The following KCNIP4 variants were observed in gnomAD, a reference collection of about 807,000 sequenced individuals.
The protein encoded by KCNIP4 is Kv channel-interacting protein 4.
KCNIP4 carries 12 observed loss-of-function variants against 34.0 expected under a neutral mutation model. That is an observed-to-expected ratio of 0.35 (90% confidence interval 0.23 to 0.57). The LOEUF is 0.57. KCNIP4 is among the 20% of genes least tolerant of loss of function. KCNIP4 has a pLI of 0.83. For synonymous variants in KCNIP4, 124 were observed against 102.2 expected (o/e 1.21, Z -1.29); for missense variants, 238 against 311.7 (o/e 0.76, Z 1.78).
chr4:21,618,725 C>T (rs191478894), intron 1 of KCNIP4, among the ~76,000 whole-genome samples: 288 of 149,326 alleles, frequency 1.9e-3, no homozygotes, highest in African/African-American at 6.6e-3. Flanking sequence ...CTCCGCCTCC[C>T]GGGTGCACGC....
intron 1 of KCNIP4, among the ~76,000 whole-genome samples, chr4:21,243,744 C>A (rs1760009972): frequency 6.6e-6 from 1 of 152,144 alleles, no homozygotes. Flanking sequence ...TGATATGAAG[C>A]TGTTCATATC....
At chr4:21,553,170 C>T (rs1437062119) in intron 1 of KCNIP4, among the ~76,000 whole-genome samples, 2 of 151,918 alleles carry the variant, frequency 1.3e-5, no homozygotes, top group East Asian at 3.9e-4. Flanking sequence ...GTTGGAATAA[C>T]AAGTTGTGAG....
intron 1 of KCNIP4, among the ~76,000 whole-genome samples, chr4:20,952,179 A>T (rs956723919): frequency 6.6e-6 from 1 of 152,198 alleles, no homozygotes; most frequent in Non-Finnish European, 1.5e-5. Flanking sequence ...CTTGCAGTAC[A>T]AGAGATTGAT....
At chr4:21,818,459 A>C (rs1340616435) in intron 1 of KCNIP4, among the ~76,000 whole-genome samples, 2 of 152,196 alleles carry the variant, frequency 1.3e-5, no homozygotes, top group East Asian at 3.9e-4. Context: ...CCCTAATTGA[A>C]AACCCCTGAT....
At chr4:21,882,740 G>A (rs192382546) in intron 1 of KCNIP4, among the ~76,000 whole-genome samples, 4 of 152,168 alleles carry the variant, frequency 2.6e-5, no homozygotes, top group African/African-American at 7.2e-5. Context: ...ACTTCAGGAA[G>A]CTTGGGCTTC....
At chr4:20,907,142 A>G (rs916175746) in intron 1 of KCNIP4, among the ~76,000 whole-genome samples, 2 of 152,248 alleles carry the variant, frequency 1.3e-5, no homozygotes, top group African/African-American at 4.8e-5. Flanking sequence ...ACACACAAAT[A>G]TAACAAAATT....
At chr4:21,275,676 A>G (rs1357147336) in intron 1 of KCNIP4, among the ~76,000 whole-genome samples, 1 of 152,076 alleles carries the variant, frequency 6.6e-6, no homozygotes, top group South Asian at 2.1e-4. Flanking sequence ...GCTGGGACAA[A>G]AGTCAAACTC....
intron 1 of KCNIP4, among the ~76,000 whole-genome samples, chr4:21,448,304 G>C (rs1195070417): frequency 6.6e-6 from 1 of 152,120 alleles, no homozygotes; most frequent in Non-Finnish European, 1.5e-5. Flanking sequence ...TAAACTGATT[G>C]TTGGTAGAAA....
At chr4:20,994,917 G>A (rs191777440) in intron 1 of KCNIP4, among the ~76,000 whole-genome samples, 7 of 152,244 alleles carry the variant, frequency 4.6e-5, no homozygotes, top group East Asian at 3.9e-4. Context: ...GAAATGGGGG[G>A]CTTTATCCTT....
chr4:21,498,807 G>C lies in KCNIP4; in HGVS notation c.61+449764C>G, dbSNP rs946119842. The stretch of plus-strand genomic sequence containing the variant: ...TGTGCAGATGAGAAACAATAGAGGT[G>C]GGTGTTGGATCTGCTAAGAAAGTGA... On this transcript the variant is annotated intron_variant, in intron 1 of 8. Coordinates refer to ENST00000382152, the MANE Select transcript of KCNIP4 (RefSeq NM_025221.6). Among the ~76,000 whole-genome samples, 3 of 152,224 alleles carry C rather than the reference G, an allele frequency of 2.0e-5. No homozygotes were observed. In the South Asian group the frequency reaches 6.2e-4, roughly 32 times the overall value.
intron 3 of KCNIP4, among the ~76,000 whole-genome samples, chr4:20,785,861 TG>T (rs1231930465): frequency 6.6e-6 from 1 of 152,070 alleles, no homozygotes. Context: ...GAATGTAACT[TG>T]GTGCAGCCAC....
At position 21,442,638 on chromosome 4, in the gene KCNIP4, C is replaced by A. The variant is rs114336992; in HGVS notation, c.61+505933G>T. On this transcript the variant is annotated intron_variant, in intron 1 of 8. Transcript: ENST00000382152. ...TAGCACACAATTTCCTAATTTTCTA[C>A]CATTTTCACTGATGGCTTTCCATAT... 2.1e-3 allele frequency among the ~76,000 whole-genome samples: 321 copies of A among 152,284 alleles called. 2 individuals are homozygous for A. Among genetic ancestry groups the A allele is most frequent in the Non-Finnish European group, 3.5e-3 (237 of 68,014 alleles).
At chr4:20,821,552 G>T (rs1319012619) in intron 3 of KCNIP4, among the ~76,000 whole-genome samples, 2 of 152,068 alleles carry the variant, frequency 1.3e-5, no homozygotes, top group Non-Finnish European at 2.9e-5. Context: ...CTCTTTTGTG[G>T]TGATTTCTGA....
intron 1 of KCNIP4, among the ~76,000 whole-genome samples, chr4:21,172,339 A>C (rs1248387918): frequency 6.6e-6 from 1 of 152,132 alleles, no homozygotes; most frequent in Non-Finnish European, 1.5e-5. Flanking sequence ...GCCTATTCTG[A>C]ATGTTTTAAC....
rs186834178 is a variant in KCNIP4 at position 20,903,153 on chromosome 4, C to T, written c.62-20444G>A. Among the ~76,000 whole-genome samples the T allele has an allele frequency of 1.3e-3, 202 of 152,230 alleles. 1 individual carries two copies. The highest frequency in any genetic ancestry group is 4.5e-3 in the African/African-American group (189 of 41,550). On this transcript the variant is annotated intron_variant, in intron 1 of 8. Transcript: ENST00000382152. The stretch of plus-strand genomic sequence containing the variant: ...AGCTAACAAATTCTTAAAAGACAGG[C>T]TGAGAGTTAAGGATCTGAAAACACT...
chr4:20,882,440 C>T (rs768417150), intron 2 of KCNIP4, among the ~76,000 whole-genome samples, 168 bp downstream of exon 2: 3 of 152,162 alleles, frequency 2.0e-5, no homozygotes, highest in Non-Finnish European at 4.4e-5. Flanking sequence ...TGGAAAATGA[C>T]TCCTAATTGC....
At chr4:21,481,003 G>C (rs1731381584) in intron 1 of KCNIP4, among the ~76,000 whole-genome samples, 1 of 152,086 alleles carries the variant, frequency 6.6e-6, no homozygotes, top group Non-Finnish European at 1.5e-5. Flanking sequence ...AAGGAGACCA[G>C]TACTGCCAGA....
chr4:20,758,819 A>G lies in KCNIP4; in HGVS notation c.358+2T>C. ...TGTTAACAAGTCCACATTTGTACTTACCTCCCTGTGGAAAGAACTGCGAGT... is the reference window on the plus strand; with the variant it reads ...TGTTAACAAGTCCACATTTGTACTTGCCTCCCTGTGGAAAGAACTGCGAGT... On this transcript the variant is annotated splice_donor_variant, in intron 4 of 8. Coordinates refer to ENST00000382152, the MANE Select transcript of KCNIP4 (RefSeq NM_025221.6). LOFTEE classifies it high-confidence loss of function. The G allele has an allele frequency of 4.3e-6, 7 of 1,609,636 alleles. No homozygotes were observed. Among genetic ancestry groups the G allele is most frequent in the Non-Finnish European group, 6.0e-6 (7 of 1,176,130 alleles).
At chr4:20,809,812 G>A (rs1229344648) in intron 3 of KCNIP4, among the ~76,000 whole-genome samples, 1 of 152,182 alleles carries the variant, frequency 6.6e-6, no homozygotes, top group Non-Finnish European at 1.5e-5. Flanking sequence ...TGCAGCTGCA[G>A]CTCATCTCAG....
Sources: allele counts gnomAD v4.1 joint callset (sites outside exome capture counted in the v4.1 genomes callset), GRCh38; gene constraint gnomAD v4.1.1; transcripts MANE v1.5; gene names NCBI Gene and HGNC (gene_info 2026-07-23, HGNC 2026-07-21).